Variants in SNX25 observed in about 807,000 individuals in gnomAD.
SNX25 encodes the protein sorting nexin-25.
Under a neutral mutation model 113.7 loss-of-function variants are expected in SNX25, and 62 were observed. The observed-to-expected ratio is 0.55, with a 90% CI of 0.44 to 0.67. The LOEUF (loss-of-function observed/expected upper bound fraction) is 0.67, where lower values mean the gene tolerates loss of function less well. Ranked by LOEUF, SNX25 falls within the 30% of genes least tolerant of loss-of-function variation. The probability of loss-of-function intolerance (pLI) is 0.00; values close to 1 mark genes in which losing one functional copy is unlikely to be tolerated. For missense variants in SNX25, 1,014 were observed against 1,161.0 expected (o/e 0.87, Z 1.84); for synonymous variants, 421 against 436.2 (o/e 0.97, Z 0.43).
intron 12 of SNX25, among the ~76,000 whole-genome samples, chr4:185,345,680 A>G (rs1044063673): frequency 6.6e-6 from 1 of 151,924 alleles, no homozygotes; most frequent in Admixed American, 6.6e-5. Context: ...AGTCCCAGCT[A>G]CTTGGGAGGC....
chr4:185,240,068 A>G (rs1743466706), intron 1 of SNX25, among the ~76,000 whole-genome samples: 1 of 151,648 alleles, frequency 6.6e-6, no homozygotes, highest in African/African-American at 2.4e-5. Context: ...TGTTTCAGAG[A>G]GCACAGGGTT....
intron 12 of SNX25, among the ~76,000 whole-genome samples, chr4:185,343,987 A>G (rs991508897): frequency 6.6e-6 from 1 of 152,144 alleles, no homozygotes; most frequent in Admixed American, 6.5e-5. Flanking sequence ...GGAAGGCCGA[A>G]GTGGGCGGGT....
upstream of SNX25, among the ~76,000 whole-genome samples, chr4:185,207,099 A>G (rs1383396120): frequency 6.6e-6 from 1 of 152,046 alleles, no homozygotes; most frequent in East Asian, 1.9e-4. Context: ...TCCCTACTCA[A>G]TCCACTGACC....
downstream of SNX25, chr4:185,364,049 C>T (rs1467577124): frequency 6.6e-6 from 1 of 152,580 alleles, no homozygotes; most frequent in Non-Finnish European, 1.5e-5. Context: ...TATCAAATGC[C>T]TTTTTAGAGA....
rs1180437935 is a variant in SNX25 at position 185,209,893 on chromosome 4, G to T, written c.67G>T (p.Gly23Cys). 3.1e-6 allele frequency: 3 copies of T among 983,222 alleles called. No homozygotes were observed. Among genetic ancestry groups the T allele is most frequent in the South Asian group, 9.4e-5 (2 of 21,284 alleles). The allele number at this position is 983,222 out of a possible 1,614,324, so 60.9% of individuals were successfully genotyped here. A position where few individuals can be genotyped will look rare whatever the true frequency, so the allele number is the denominator to read the frequency against. ...PSPARAAGAG[G>C]RPVSGFRGER... ...CCCCGCGCGGGCCGCAGGCGCCGGC[G>T]GCCGTCCTGTCTCGGGCTTCAGGGG... Residue 23 changes from glycine to cysteine, a missense_variant, in exon 1 of 19, where the codon GGC (glycine) becomes TGC (cysteine). By Grantham distance (159) the Gly-to-Cys change is radical. Transcript: ENST00000652585. The surrounding 1 kb of genome is among the most constrained non-coding windows in gnomAD (Gnocchi z 5.2).
chr4:185,329,963 G>C (rs2095182850), intron 9 of SNX25, among the ~76,000 whole-genome samples: 1 of 152,096 alleles, frequency 6.6e-6, no homozygotes, highest in Admixed American at 6.5e-5. Flanking sequence ...CTGCTTCCTG[G>C]GTTGTGAGAG....
intron 4 of SNX25, 87 bp from the exon 5 acceptor site, chr4:185,266,882 C>A: frequency 2.2e-6 from 3 of 1,342,674 alleles, no homozygotes; most frequent in Non-Finnish European, 2.0e-6. Context: ...AAATGTTTCC[C>A]AAATGTAGTC....
At chr4:185,368,337 A>G (rs2095399012), downstream of SNX25, among the ~76,000 whole-genome samples, 1 of 152,210 alleles carries the variant, frequency 6.6e-6, no homozygotes, top group Admixed American at 6.5e-5. Flanking sequence ...AGCCGAGAGC[A>G]GGCCTGGGTC....
chr4:185,310,163 C>T (rs1489902408), intron 6 of SNX25, among the ~76,000 whole-genome samples: 1 of 152,130 alleles, frequency 6.6e-6, no homozygotes, highest in African/African-American at 2.4e-5. Context: ...TCTTTATAGC[C>T]CGTGTTATAG....
chr4:185,343,329 C>T lies in SNX25; in HGVS notation c.2187+1213C>T, dbSNP rs1288554. Among the ~76,000 whole-genome samples, 1,228 of 152,270 alleles carry T rather than the reference C, an allele frequency of 8.1e-3. 12 individuals are homozygous for T. The highest frequency in any genetic ancestry group is 0.027 in the African/African-American group (1,138 of 41,546). ...AAAGCATTTATAAGAATGTGTGGCACATAGTAAACATCATTGTGTTTTTTG... is the reference window on the plus strand; with the variant it reads ...AAAGCATTTATAAGAATGTGTGGCATATAGTAAACATCATTGTGTTTTTTG... On this transcript the variant is annotated intron_variant, in intron 12 of 18. Transcript: ENST00000652585.
upstream of SNX25, among the ~76,000 whole-genome samples, chr4:185,206,660 C>CAAAAAAA (rs375061067): frequency 6.6e-4 from 51 of 77,348 alleles, no homozygotes; most frequent in African/African-American, 8.6e-4. Flanking sequence ...ACTCTTGTCT[C>CAAAAAAA]AAAAAAAAAA....
chr4:185,231,598 C>G (rs1435125272), intron 1 of SNX25, among the ~76,000 whole-genome samples: 2 of 151,544 alleles, frequency 1.3e-5, no homozygotes, highest in Non-Finnish European at 2.9e-5. Context: ...GTAGTCCCAG[C>G]TACTCGGGAG....
chr4:185,241,368 C>G (rs950456151), intron 1 of SNX25, among the ~76,000 whole-genome samples: 1 of 151,186 alleles, frequency 6.6e-6, no homozygotes, highest in Non-Finnish European at 1.5e-5. Flanking sequence ...ATCGCAGGCA[C>G]TCGGCAGGCT....
chr4:185,323,451 A>G (rs2095135095), intron 8 of SNX25, 77 bp from the exon 9 acceptor site: 2 of 1,415,462 alleles, frequency 1.4e-6, no homozygotes, highest in Non-Finnish European at 1.9e-6. Context: ...TGACTTTCAA[A>G]TGCAAATAAT....
At chr4:185,338,657 A>G (rs536798338) in intron 10 of SNX25, among the ~76,000 whole-genome samples, 2 of 152,296 alleles carry the variant, frequency 1.3e-5, no homozygotes, top group South Asian at 4.1e-4. Flanking sequence ...TAATTGTTAT[A>G]TATAGGGTTA....
intron 6 of SNX25, among the ~76,000 whole-genome samples, chr4:185,297,726 G>A (rs1411932880): frequency 6.6e-6 from 1 of 152,138 alleles, no homozygotes; most frequent in African/African-American, 2.4e-5. Context: ...ATATCCTCAC[G>A]TGGTAGGGTG....
chr4:185,279,230 T>TCCTAAGTCCA (rs1750213061), intron 5 of SNX25, among the ~76,000 whole-genome samples: 1 of 152,142 alleles, frequency 6.6e-6, no homozygotes, highest in Admixed American at 6.5e-5. Context: ...CACCTCACCC[T>TCCTAAGTCCA]GGGCTGCTCC....
chr4:185,240,490 C>T (rs1197869712), intron 1 of SNX25, among the ~76,000 whole-genome samples: 1 of 150,888 alleles, frequency 6.6e-6, no homozygotes, highest in African/African-American at 2.4e-5. Flanking sequence ...GCGCCCCTCA[C>T]CTCCCGGATG....
At chr4:185,244,789 A>T (rs576369607) in intron 1 of SNX25, among the ~76,000 whole-genome samples, 1 of 151,886 alleles carries the variant, frequency 6.6e-6, no homozygotes, top group East Asian at 1.9e-4. Flanking sequence ...TTAAGGTTTT[A>T]AAAAAAAATT....
Sources: allele counts gnomAD v4.1 joint callset (sites outside exome capture counted in the v4.1 genomes callset), GRCh38; gene constraint gnomAD v4.1.1; non-coding constraint Gnocchi (gnomAD v3.1); transcripts MANE v1.5; gene names NCBI Gene and HGNC (gene_info 2026-07-23, HGNC 2026-07-21).